The following MED27 variants were observed in gnomAD, a reference collection of about 807,000 sequenced individuals.
The protein encoded by MED27 is mediator of RNA polymerase II transcription subunit 27.
In MED27, 30 loss-of-function variants were observed where a neutral mutation model predicts 38.2. The ratio of observed to expected loss-of-function variants is 0.79; its 90% CI spans 0.59 to 1.07. The LOEUF (loss-of-function observed/expected upper bound fraction) is 1.07. Ranked by LOEUF, MED27 falls within the 50% of genes least tolerant of loss-of-function variation. The pLI, the probability that MED27 is intolerant of heterozygous loss-of-function variation, is 0.00. For missense variants in MED27, 289 were observed against 397.5 expected (o/e 0.73, Z 2.32); for synonymous variants, 122 against 153.5 (o/e 0.79, Z 1.52).
At chr9:131,897,087 G>T (rs1325408248) in intron 4 of MED27, among the ~76,000 whole-genome samples, 6 of 152,240 alleles carry the variant, frequency 3.9e-5, no homozygotes, top group Non-Finnish European at 2.9e-5. Context: ...GTTCCATACT[G>T]CTATATAGTC....
intron 2 of MED27, among the ~76,000 whole-genome samples, chr9:132,045,500 T>C (rs964241534): frequency 2.0e-5 from 3 of 151,604 alleles, no homozygotes; most frequent in Non-Finnish European, 2.9e-5. Context: ...AAGAAACTAT[T>C]TGCCAGCCAT....
chr9:131,993,596 G>A (rs1240150427), intron 3 of MED27, among the ~76,000 whole-genome samples: 1 of 152,216 alleles, frequency 6.6e-6, no homozygotes, highest in Non-Finnish European at 1.5e-5. Context: ...TGGGGAGCAG[G>A]TAATAAATGG....
intron 2 of MED27, among the ~76,000 whole-genome samples, chr9:132,058,177 A>AT (rs1833621091): frequency 6.6e-6 from 1 of 152,162 alleles, no homozygotes; most frequent in South Asian, 2.1e-4. Flanking sequence ...ATATAACATG[A>AT]TTTTTCCAAT....
chr9:132,023,735 A>G (rs576718036), intron 2 of MED27, among the ~76,000 whole-genome samples: 1 of 152,318 alleles, frequency 6.6e-6, no homozygotes, highest in East Asian at 1.9e-4. Context: ...CTCACACGGA[A>G]GGAGACAGGA....
At chr9:131,874,718 T>C (rs1838899087) in intron 6 of MED27, among the ~76,000 whole-genome samples, 2 of 152,134 alleles carry the variant, frequency 1.3e-5, no homozygotes, top group Non-Finnish European at 2.9e-5. Context: ...TCTTTGACCT[T>C]TCTCAGGATT....
chr9:131,973,561 G>A (rs1270884060), intron 3 of MED27, among the ~76,000 whole-genome samples: 1 of 148,778 alleles, frequency 6.7e-6, no homozygotes, highest in Non-Finnish European at 1.5e-5. Flanking sequence ...GGGTTCAAGC[G>A]ATTCTAGAGG....
At position 131,946,416 on chromosome 9, in the gene MED27, TTG is replaced by T. The variant is rs535130662; in HGVS notation, c.480-6944_480-6943del. On this transcript the variant is annotated intron_variant, in intron 3 of 7. Coordinates refer to ENST00000292035, the MANE Select transcript of MED27 (RefSeq NM_004269.4). ...CCACATTCTTGCCAACACGTATCTT[TTG>T]TGTCTGTTTTTAAACACCTGCCTCT... Among the ~76,000 whole-genome samples the T allele has an allele frequency of 2.3e-4, 35 of 152,324 alleles. 1 individual carries two copies. The highest frequency in any genetic ancestry group is 3.2e-4 in the Non-Finnish European group (22 of 68,028).
intron 3 of MED27, among the ~76,000 whole-genome samples, chr9:131,994,670 C>T (rs1163516099): frequency 6.6e-6 from 1 of 152,196 alleles, no homozygotes; most frequent in Non-Finnish European, 1.5e-5. Flanking sequence ...TTAGTGAATG[C>T]CTTTTTTTCT....
chr9:131,985,357 C>T (rs1295030569), intron 3 of MED27, among the ~76,000 whole-genome samples: 1 of 152,168 alleles, frequency 6.6e-6, no homozygotes, highest in Non-Finnish European at 1.5e-5. Flanking sequence ...TTTGTCATCC[C>T]AATCTCCTCA....
At chr9:131,868,311 C>T (rs1838770022) in intron 6 of MED27, among the ~76,000 whole-genome samples, 1 of 152,210 alleles carries the variant, frequency 6.6e-6, no homozygotes, top group African/African-American at 2.4e-5. Context: ...CAGGGTATTG[C>T]TCTGTCGCCT....
At chr9:132,002,983 C>A (rs1832278614) in intron 3 of MED27, among the ~76,000 whole-genome samples, 2 of 144,596 alleles carry the variant, frequency 1.4e-5, no homozygotes, top group Non-Finnish European at 3.1e-5. Flanking sequence ...CAAGAAAGAA[C>A]AGAAAGATCT....
chr9:132,076,508 C>T (rs2131173975), intron 2 of MED27, among the ~76,000 whole-genome samples: 1 of 152,264 alleles, frequency 6.6e-6, no homozygotes, highest in Non-Finnish European at 1.5e-5. Context: ...GAAAAACTCT[C>T]AAGCTTTAGC....
intron 2 of MED27, among the ~76,000 whole-genome samples, chr9:132,019,592 A>C (rs11243596): frequency 1.3e-5 from 2 of 152,114 alleles, no homozygotes; most frequent in East Asian, 1.9e-4. Context: ...AGAAAGGCCA[A>C]AGTAGATGCC....
intron 6 of MED27, among the ~76,000 whole-genome samples, chr9:131,881,221 A>G (rs888850737): frequency 6.6e-6 from 1 of 152,226 alleles, no homozygotes; most frequent in Non-Finnish European, 1.5e-5. Flanking sequence ...CCACTGGGGG[A>G]AAAATGACAA....
At chr9:132,015,550 G>A (rs1221478844) in intron 2 of MED27, among the ~76,000 whole-genome samples, 1 of 152,120 alleles carries the variant, frequency 6.6e-6, no homozygotes, top group Non-Finnish European at 1.5e-5. Flanking sequence ...GTATATACCT[G>A]TATAACTACC....
chr9:131,981,336 C>T (rs1023439860), intron 3 of MED27, among the ~76,000 whole-genome samples: 1 of 152,164 alleles, frequency 6.6e-6, no homozygotes, highest in African/African-American at 2.4e-5. Flanking sequence ...TCCTTCAAAA[C>T]TGGCGTAAGA....
At chr9:131,975,942 CCTT>C (rs2131020422) in intron 3 of MED27, among the ~76,000 whole-genome samples, 1 of 152,326 alleles carries the variant, frequency 6.6e-6, no homozygotes, top group Non-Finnish European at 1.5e-5. Context: ...ATCTCTCTGT[CCTT>C]CTCTGTCAGC....
At chr9:131,995,053 G>T (rs1259502946) in intron 3 of MED27, among the ~76,000 whole-genome samples, 1 of 152,162 alleles carries the variant, frequency 6.6e-6, no homozygotes, top group African/African-American at 2.4e-5. Context: ...AAAAGCAGCA[G>T]CTCAAGGCTA....
At chr9:131,930,818 C>A (rs1008712007) in intron 4 of MED27, among the ~76,000 whole-genome samples, 1 of 151,946 alleles carries the variant, frequency 6.6e-6, no homozygotes, top group Non-Finnish European at 1.5e-5. Context: ...ATAGGTAGTA[C>A]AATAGGACAT....
Sources: gnomAD v4.1 joint callset for allele counts (sites outside exome capture counted in the v4.1 genomes callset) on GRCh38, gnomAD v4.1.1 for gene constraint, MANE v1.5 for transcripts, NCBI Gene and HGNC (gene_info 2026-07-23, HGNC 2026-07-21) for gene names.